TESK2: variants seen among roughly 807,000 people sequenced by gnomAD.
The protein encoded by TESK2 is testis associated actin remodelling kinase 2.
Under a neutral mutation model 57.1 loss-of-function variants are expected in TESK2, and 39 were observed. That is an observed-to-expected ratio of 0.68 (90% CI 0.53 to 0.89). The LOEUF is 0.89. Ranked by LOEUF, TESK2 falls within the 40% of genes least tolerant of loss-of-function variation. The pLI is 0.00. For synonymous variants in TESK2, 249 were observed against 267.9 expected (o/e 0.93, Z 0.69); for missense variants, 646 against 732.1 (o/e 0.88, Z 1.36).
chr1:45,412,184 T>C (rs770341772), intron 3 of TESK2, among the ~76,000 whole-genome samples: 12 of 152,174 alleles, frequency 7.9e-5, no homozygotes, highest in Non-Finnish European at 1.8e-4. Flanking sequence ...CACAAAAAGT[T>C]TTAAGAAATA....
chr1:45,487,617 A>G (rs1189003636), intron 1 of TESK2, among the ~76,000 whole-genome samples: 1 of 152,100 alleles, frequency 6.6e-6, no homozygotes, highest in Non-Finnish European at 1.5e-5. Flanking sequence ...CTTCAACCAC[A>G]TTTCTGATTG....
intron 1 of TESK2, among the ~76,000 whole-genome samples, chr1:45,480,355 G>A (rs1653167240): frequency 6.6e-6 from 1 of 151,432 alleles, no homozygotes; most frequent in Non-Finnish European, 1.5e-5. Flanking sequence ...CTACTCAGGA[G>A]GCTGAGGCAG....
At chr1:45,411,430 A>G (rs1471884844) in intron 3 of TESK2, among the ~76,000 whole-genome samples, 5 of 152,188 alleles carry the variant, frequency 3.3e-5, no homozygotes, top group East Asian at 3.8e-4. Context: ...GATCCCTCGC[A>G]TGCACAGTTC....
intron 1 of TESK2, among the ~76,000 whole-genome samples, chr1:45,481,295 G>C (rs1037137049): frequency 5.3e-5 from 8 of 151,814 alleles, no homozygotes; most frequent in Non-Finnish European, 1.2e-4. Context: ...AACCCAGGAG[G>C]CGGAGTTTGC....
In TESK2 at chr1:45,485,972, G is replaced by A. The variant is rs111618106; in HGVS notation, c.-87+4880C>T. ...AACCATCATATAGTTAATAACAACA[G>A]AGTTGAATACAACTAAGGTTTTCCT... On this transcript the variant is annotated intron_variant, in intron 1 of 10. Transcript: ENST00000372086. Among the ~76,000 whole-genome samples, 574 of 151,388 alleles carry A rather than the reference G, an allele frequency of 3.8e-3. 8 individuals are homozygous for A. Among genetic ancestry groups the A allele is most frequent in the East Asian group, 0.018 (95 of 5,164 alleles).
chr1:45,471,226 G>A (rs749328092), intron 1 of TESK2, among the ~76,000 whole-genome samples: 6 of 151,570 alleles, frequency 4.0e-5, no homozygotes, highest in African/African-American at 4.8e-5. Context: ...GCAAGACTCC[G>A]TCTCAAAAAA....
intron 5 of TESK2, among the ~76,000 whole-genome samples, chr1:45,354,863 G>C (rs545423257): frequency 8.6e-6 from 1 of 116,224 alleles, no homozygotes; most frequent in Admixed American, 9.9e-5. Context: ...GGCTCACTCA[G>C]CACTGAAAGG....
Position 45,482,410 on chromosome 1 carries a change from C to A in TESK2, c.-87+8442G>T, listed in dbSNP as rs113153233. On this transcript the variant is annotated intron_variant, in intron 1 of 10. Coordinates refer to ENST00000372086, the MANE Select transcript of TESK2 (RefSeq NM_007170.3). Reference sequence around the variant, plus strand: ...TGGAGTGGTGGCACACACCTGTAGTCCCAGCTACTCAGGAGACTGAGATGG... The same window carrying A: ...TGGAGTGGTGGCACACACCTGTAGTACCAGCTACTCAGGAGACTGAGATGG... Among the ~76,000 whole-genome samples, 9 of 151,950 alleles carry A rather than the reference C, an allele frequency of 5.9e-5. 1 individual carries two copies. Among genetic ancestry groups the A allele is most frequent in the African/African-American group, 2.2e-4 (9 of 41,370 alleles).
chr1:45,387,814 C>T (rs1366320111), intron 3 of TESK2, among the ~76,000 whole-genome samples: 1 of 152,182 alleles, frequency 6.6e-6, no homozygotes, highest in Non-Finnish European at 1.5e-5. Context: ...CAAGACCACC[C>T]TGGCCAACAT....
chr1:45,403,747 G>C (rs1046255098), intron 3 of TESK2, among the ~76,000 whole-genome samples: 5 of 152,102 alleles, frequency 3.3e-5, no homozygotes, highest in South Asian at 4.1e-4. Flanking sequence ...TTAATAAATA[G>C]AAAACAGCCA....
At chr1:45,487,936 C>CA (rs1653549134) in intron 1 of TESK2, among the ~76,000 whole-genome samples, 1 of 143,648 alleles carries the variant, frequency 7.0e-6, no homozygotes, top group Admixed American at 7.0e-5. Context: ...TTTTTTTTTG[C>CA]TTTTTTTTTT....
At chr1:45,361,322 C>T (rs953599466) in intron 4 of TESK2, among the ~76,000 whole-genome samples, 17 of 152,212 alleles carry the variant, frequency 1.1e-4, no homozygotes, top group Admixed American at 9.2e-4. Context: ...ACTACTCCCT[C>T]GGTCAGCCCT....
At chr1:45,352,452 C>G (rs1419347058) in intron 5 of TESK2, among the ~76,000 whole-genome samples, 1 of 152,132 alleles carries the variant, frequency 6.6e-6, no homozygotes, top group East Asian at 1.9e-4. Context: ...CAGACAGAAC[C>G]ACACTTGGAC....
chr1:45,468,396 A>T (rs2149303512), intron 1 of TESK2, among the ~76,000 whole-genome samples: 1 of 152,292 alleles, frequency 6.6e-6, no homozygotes, highest in Non-Finnish European at 1.5e-5. Flanking sequence ...CGAGCAAACT[A>T]AATGACTATA....
Position 45,362,888 on chromosome 1 carries a change from C to CT in TESK2, c.394-7440dup, listed in dbSNP as rs111868377. Among the ~76,000 whole-genome samples, 614 of 147,924 alleles carry CT rather than the reference C, an allele frequency of 4.2e-3. 4 individuals are homozygous for CT. The highest frequency in any genetic ancestry group is 6.1e-3 in the Non-Finnish European group (407 of 66,638). ...AGGGATGCCATACAATCAACTAACACTTTTTTTTTTTCACACAGGAGAATA... is the reference window on the plus strand; with the variant it reads ...AGGGATGCCATACAATCAACTAACACTTTTTTTTTTTTCACACAGGAGAATA... On this transcript the variant is annotated intron_variant, in intron 4 of 10. Coordinates refer to ENST00000372086, the MANE Select transcript of TESK2 (RefSeq NM_007170.3).
chr1:45,429,048 C>T (rs1468091124), intron 2 of TESK2, among the ~76,000 whole-genome samples: 1 of 150,636 alleles, frequency 6.6e-6, no homozygotes, highest in African/African-American at 2.4e-5. Context: ...GTCTCGATCT[C>T]CTGACCTCGT....
Position 45,457,751 on chromosome 1 carries a change from A to T in TESK2, c.35T>A (p.Phe12Tyr). 1 of 1,614,120 alleles carries T rather than the reference A, an allele frequency of 6.2e-7. No individual in the cohort carries two copies. Among genetic ancestry groups the T allele is most frequent in the Non-Finnish European group, 8.5e-7 (1 of 1,179,986 alleles). The change falls in exon 2 of 11, where the codon TTT becomes TAT. Residue 12 changes from phenylalanine to tyrosine, a missense_variant. Physicochemically the swap from Phe to Tyr is conservative, Grantham distance 22 (BLOSUM62 3). Coordinates refer to ENST00000372086, the MANE Select transcript of TESK2 (RefSeq NM_007170.3). ...TTCAAGACGCTCCACACGTGGAGGA[A>T]ATCCTGCAATTGAATTCCGTTTGCT... ...DRSKRNSIAG[F>Y]PPRVERLEEF...
At chr1:45,347,739 G>T in intron 6 of TESK2, 46 bp from the exon 7 acceptor site, 1 of 1,590,560 alleles carries the variant, frequency 6.3e-7, no homozygotes, top group Non-Finnish European at 8.6e-7. Context: ...AATGGCTGGT[G>T]CAATGGAATC....
intron 2 of TESK2, among the ~76,000 whole-genome samples, chr1:45,439,300 C>CAG (rs1019220558): frequency 6.6e-6 from 1 of 152,110 alleles, no homozygotes; most frequent in Non-Finnish European, 1.5e-5. Flanking sequence ...AAGCAGATGG[C>CAG]AGATACTAGC....
Sources: allele counts gnomAD v4.1 joint callset (sites outside exome capture counted in the v4.1 genomes callset), GRCh38; gene constraint gnomAD v4.1.1; transcripts MANE v1.5; gene names NCBI Gene and HGNC (gene_info 2026-07-23, HGNC 2026-07-21).